The following RAB3GAP1 variants were observed in gnomAD, a reference collection of about 807,000 sequenced individuals.
RAB3GAP1 encodes the protein rab3 GTPase-activating protein catalytic subunit.
A neutral mutation model predicts 130.7 loss-of-function variants in RAB3GAP1; 86 were observed. The observed-to-expected ratio is 0.66, with a 90% confidence interval of 0.55 to 0.79. The LOEUF (loss-of-function observed/expected upper bound fraction) is 0.79, where lower values mean the gene tolerates loss of function less well. Ranked by LOEUF, RAB3GAP1 falls within the 30% of genes least tolerant of loss-of-function variation. The probability of loss-of-function intolerance (pLI) is 0.00; values close to 1 mark genes in which losing one functional copy is unlikely to be tolerated. For synonymous variants in RAB3GAP1, 367 were observed against 401.7 expected, an observed-to-expected ratio of 0.91 and a Z score of 1.03; for missense variants, 1,029 against 1,169.4, an observed-to-expected ratio of 0.88 and a Z score of 1.75.
At chr2:135,107,834 G>T (rs1690673423) in intron 5 of RAB3GAP1, among the ~76,000 whole-genome samples, 1 of 151,976 alleles carries the variant, frequency 6.6e-6, no homozygotes, top group African/African-American at 2.4e-5. Context: ...AATTAGCCAG[G>T]TGTGGTGGCA....
chr2:135,139,107 C>A (rs139286218), intron 17 of RAB3GAP1, among the ~76,000 whole-genome samples: 2 of 152,172 alleles, frequency 1.3e-5, no homozygotes, highest in Non-Finnish European at 2.9e-5. Context: ...CTCCCCTGTT[C>A]TTATTGATTC....
intron 7 of RAB3GAP1, among the ~76,000 whole-genome samples, chr2:135,117,679 C>CTTCTTCTG (rs1691054145): frequency 2.0e-4 from 4 of 19,782 alleles, no homozygotes; most frequent in African/African-American, 5.5e-4. Flanking sequence ...GCTTCTTCTG[C>CTTCTTCTG]TTCTGCTTCT....
chr2:135,117,738 G>GCTTCTTCTGCTT (rs1691062061), intron 7 of RAB3GAP1, among the ~76,000 whole-genome samples: 2 of 52,404 alleles, frequency 3.8e-5, no homozygotes, highest in African/African-American at 1.3e-4. Flanking sequence ...TTCTTCTTCT[G>GCTTCTTCTGCTT]CTTCTTCTTC....
At chr2:135,151,106 C>T (rs1437296205) in intron 18 of RAB3GAP1, among the ~76,000 whole-genome samples, 4 of 152,148 alleles carry the variant, frequency 2.6e-5, no homozygotes, top group Non-Finnish European at 4.4e-5. Flanking sequence ...GTCTGTATTT[C>T]GAACATACAG....
In RAB3GAP1 at chr2:135,091,060, G is replaced by A; in HGVS notation, c.213G>A (p.Lys71=). The A allele has an allele frequency of 6.2e-7, 1 of 1,608,602 alleles. No homozygotes were observed. The highest frequency in any genetic ancestry group is 2.2e-5 in the East Asian group (1 of 44,696). ...KSDEISFADF[K]FSVTHHYLVQ... Reference sequence around the variant, plus strand: ...ATGAAATTTCCTTTGCTGACTTCAAGTTCTCAGTCACTCATCATTATCTTG... The same window carrying A: ...ATGAAATTTCCTTTGCTGACTTCAAATTCTCAGTCACTCATCATTATCTTG... The change falls in exon 4 of 24, where the codon AAG becomes AAA. Residue 71 remains lysine (K), a synonymous_variant. Coordinates refer to ENST00000264158, the MANE Select transcript of RAB3GAP1 (RefSeq NM_012233.3).
chr2:135,138,668 G>A (rs960447089), intron 17 of RAB3GAP1, among the ~76,000 whole-genome samples: 1 of 151,406 alleles, frequency 6.6e-6, no homozygotes, highest in East Asian at 1.9e-4. Flanking sequence ...GAATGCAGTG[G>A]CATGATCATG....
intron 11 of RAB3GAP1, 23 bp downstream of exon 11, chr2:135,126,679 C>A: frequency 6.4e-7 from 1 of 1,567,574 alleles, no homozygotes. Flanking sequence ...ATGCTCCTTT[C>A]CTGAAATACT....
At chr2:135,162,919 T>C in intron 21 of RAB3GAP1, 67 bp from the exon 22 acceptor site, 2 of 1,573,410 alleles carry the variant, frequency 1.3e-6, no homozygotes, top group Non-Finnish European at 1.7e-6. Context: ...ATTTTTAAGA[T>C]GCGTTTTCAA....
intron 7 of RAB3GAP1, among the ~76,000 whole-genome samples, chr2:135,117,794 T>C (rs907516875): frequency 2.7e-5 from 4 of 149,442 alleles, no homozygotes; most frequent in Admixed American, 6.6e-5. Context: ...CTGCTTCTTC[T>C]TCTTCTTCTT....
intron 3 of RAB3GAP1, among the ~76,000 whole-genome samples, chr2:135,074,684 C>T (rs1689572946): frequency 6.6e-6 from 1 of 152,136 alleles, no homozygotes; most frequent in Non-Finnish European, 1.5e-5. Flanking sequence ...TTGCAGGTGC[C>T]ACTGGTTGGG....
At chr2:135,087,173 A>G (rs1045008957) in intron 3 of RAB3GAP1, among the ~76,000 whole-genome samples, 2 of 152,180 alleles carry the variant, frequency 1.3e-5, no homozygotes, top group African/African-American at 4.8e-5. Flanking sequence ...TGTTGAAAAG[A>G]CTATTATTTC....
At chr2:135,120,708 G>T in intron 7 of RAB3GAP1, 111 bp from the exon 8 acceptor site, 1 of 819,912 alleles carries the variant, frequency 1.2e-6, no homozygotes, top group Non-Finnish European at 2.2e-6. Flanking sequence ...GAAAATCCAG[G>T]TTTCATAAAG....
intron 2 of RAB3GAP1, among the ~76,000 whole-genome samples, chr2:135,056,906 T>C (rs969566386): frequency 2.6e-5 from 4 of 152,184 alleles, no homozygotes; most frequent in African/African-American, 9.6e-5. Flanking sequence ...AAGGAAAAAA[T>C]CTGTTGCCTT....
chr2:135,154,961 C>G (rs1252916480), intron 19 of RAB3GAP1, among the ~76,000 whole-genome samples: 2 of 152,130 alleles, frequency 1.3e-5, no homozygotes, highest in Non-Finnish European at 2.9e-5. Context: ...TAGAAGAGAA[C>G]AGACCACATC....
intron 23 of RAB3GAP1, chr2:135,167,682 C>T (rs537235263): frequency 2.7e-6 from 4 of 1,490,124 alleles, no homozygotes; most frequent in Non-Finnish European, 3.6e-6. Flanking sequence ...CTTTTCTTAC[C>T]CCTTCTCAAG....
intron 3 of RAB3GAP1, among the ~76,000 whole-genome samples, chr2:135,063,510 A>G (rs1689236176): frequency 6.6e-6 from 1 of 152,136 alleles, no homozygotes; most frequent in African/African-American, 2.4e-5. Flanking sequence ...CCACTCTTCT[A>G]CTTTCTGTCC....
At chr2:135,097,918 A>G (rs1375902550) in intron 5 of RAB3GAP1, among the ~76,000 whole-genome samples, 1 of 152,198 alleles carries the variant, frequency 6.6e-6, no homozygotes. Flanking sequence ...TAGTATTGCT[A>G]AGTCATGTGG....
At position 135,135,328 on chromosome 2, in the gene RAB3GAP1, T is replaced by G; in HGVS notation, c.1554+9T>G. On this transcript the variant is annotated intron_variant, in intron 16 of 23. Transcript: ENST00000264158. ...TGCATCAGAAACTACAGGTAAAGAT[T>G]TCTCAATGACATGGATAAATGTGGT... 1.3e-6 allele frequency: 2 copies of G among 1,593,648 alleles called. No homozygotes were observed. The highest frequency in any genetic ancestry group is 4.5e-5 in the East Asian group (2 of 44,746).
At chr2:135,119,625 G>T (rs1264750515) in intron 7 of RAB3GAP1, among the ~76,000 whole-genome samples, 7 of 152,182 alleles carry the variant, frequency 4.6e-5, no homozygotes, top group African/African-American at 1.4e-4. Flanking sequence ...ACTGAATTAG[G>T]TTTTTTGGGA....
Sources: allele counts gnomAD v4.1 joint callset (sites outside exome capture counted in the v4.1 genomes callset), GRCh38; gene constraint gnomAD v4.1.1; transcripts MANE v1.5; gene names NCBI Gene and HGNC (gene_info 2026-07-23, HGNC 2026-07-21).